Variants in EXT2 observed in about 807,000 individuals in gnomAD.
EXT2 encodes exostosin glycosyltransferase 2, also known as exostosin-2.
A neutral mutation model predicts 81.6 loss-of-function variants in EXT2; 53 were observed. The ratio of observed to expected loss-of-function variants is 0.65; its 90% CI spans 0.52 to 0.82. The LOEUF (loss-of-function observed/expected upper bound fraction) is 0.82, where lower values mean the gene tolerates loss of function less well. Ranked by LOEUF, EXT2 falls within the 40% of genes least tolerant of loss-of-function variation. The pLI is 0.00. For synonymous variants in EXT2, 320 were observed against 340.0 expected (o/e 0.94, Z 0.65); for missense variants, 774 against 910.2 (o/e 0.85, Z 1.93).
At chr11:44,158,580 A>G (rs1954887479) in intron 7 of EXT2, among the ~76,000 whole-genome samples, 1 of 150,708 alleles carries the variant, frequency 6.6e-6, no homozygotes, top group East Asian at 1.9e-4. Flanking sequence ...TAATTTTAAT[A>G]AATTGATTTT....
At chr11:44,226,716 C>T (rs369716546) in intron 10 of EXT2, among the ~76,000 whole-genome samples, 8 of 152,350 alleles carry the variant, frequency 5.3e-5, no homozygotes, top group East Asian at 3.9e-4. Flanking sequence ...GCATGCAAGA[C>T]GAAGCCTGAA....
At chr11:44,206,350 C>T (rs1027177375) in intron 9 of EXT2, among the ~76,000 whole-genome samples, 25 of 152,118 alleles carry the variant, frequency 1.6e-4, no homozygotes, top group African/African-American at 6.0e-4. Context: ...AGAGTATTTA[C>T]CAGAGGTGGG....
At chr11:44,115,061 C>G (rs996144352) in intron 4 of EXT2, among the ~76,000 whole-genome samples, 3 of 152,168 alleles carry the variant, frequency 2.0e-5, no homozygotes, top group Non-Finnish European at 1.5e-5. Flanking sequence ...TCTGCCCTGG[C>G]TCCTCTGCTT....
At chr11:44,103,471 G>C (rs971822459) in intron 1 of EXT2, among the ~76,000 whole-genome samples, 19 of 152,224 alleles carry the variant, frequency 1.2e-4, no homozygotes, top group African/African-American at 4.6e-4. Flanking sequence ...GGCCTGGGAT[G>C]CCTGAAGCAT....
chr11:44,222,779 A>G (rs571582739), intron 10 of EXT2, among the ~76,000 whole-genome samples: 1 of 150,556 alleles, frequency 6.6e-6, no homozygotes, highest in African/African-American at 2.4e-5. Context: ...AAATTGACCA[A>G]TGAGACCTCA....
chr11:44,123,365 G>C (rs1173045512), intron 4 of EXT2, among the ~76,000 whole-genome samples: 1 of 152,246 alleles, frequency 6.6e-6, no homozygotes, highest in Non-Finnish European at 1.5e-5. Flanking sequence ...GCCTGTGAGA[G>C]ATACGTAGCC....
intron 7 of EXT2, among the ~76,000 whole-genome samples, chr11:44,159,347 T>G (rs1416918400): frequency 2.9e-5 from 4 of 139,130 alleles, no homozygotes; most frequent in African/African-American, 1.1e-4. Context: ...TTCTTCAGTC[T>G]TTTTTTTTCT....
chr11:44,180,571 C>T (rs1306848743), intron 8 of EXT2, among the ~76,000 whole-genome samples: 2 of 152,166 alleles, frequency 1.3e-5, no homozygotes, highest in Middle Eastern at 3.2e-3. Context: ...TTTCTGGAGT[C>T]ATCTCTCCTG....
At chr11:44,225,733 C>T (rs978811053) in intron 10 of EXT2, among the ~76,000 whole-genome samples, 21 of 152,148 alleles carry the variant, frequency 1.4e-4, no homozygotes, top group African/African-American at 4.6e-4. Flanking sequence ...ACTGGGAGTT[C>T]GGGCCAATTT....
At chr11:44,123,911 C>A (rs970056039) in intron 4 of EXT2, among the ~76,000 whole-genome samples, 4 of 148,920 alleles carry the variant, frequency 2.7e-5, no homozygotes, top group Non-Finnish European at 5.9e-5. Context: ...TGGCACTAGA[C>A]CCTTGGAGAT....
At chr11:44,200,989 A>G (rs531008431) in intron 9 of EXT2, among the ~76,000 whole-genome samples, 11 of 152,308 alleles carry the variant, frequency 7.2e-5, no homozygotes, top group African/African-American at 2.6e-4. Flanking sequence ...TAAAGCTCAT[A>G]CTGTGAAGTT....
intron 7 of EXT2, among the ~76,000 whole-genome samples, chr11:44,131,135 G>A (rs1042897123): frequency 6.6e-6 from 1 of 152,220 alleles, no homozygotes. Flanking sequence ...GCTGATTTAG[G>A]AGGCAGCTCT....
chr11:44,194,700 C>T (rs996823372), intron 8 of EXT2, among the ~76,000 whole-genome samples: 1 of 152,134 alleles, frequency 6.6e-6, no homozygotes, highest in African/African-American at 2.4e-5. Context: ...TGAGGTAATA[C>T]ATGTAAAGCA....
intron 8 of EXT2, among the ~76,000 whole-genome samples, chr11:44,188,109 T>C (rs1015653368): frequency 2.8e-4 from 43 of 152,204 alleles, no homozygotes; most frequent in African/African-American, 1.0e-3. Context: ...AATGAAGTAT[T>C]ATAAAGCAAT....
chr11:44,100,598 G>A (rs1953967749), intron 1 of EXT2, among the ~76,000 whole-genome samples: 1 of 152,202 alleles, frequency 6.6e-6, no homozygotes, highest in African/African-American at 2.4e-5. Flanking sequence ...GCCATGCCCA[G>A]ATCAGCCAGA....
At chr11:44,112,274 C>T (rs774897987) in intron 3 of EXT2, among the ~76,000 whole-genome samples, 6 of 152,162 alleles carry the variant, frequency 3.9e-5, no homozygotes, top group Non-Finnish European at 7.3e-5. Context: ...TCAGAGGAGA[C>T]GTCCCAGAAT....
At chr11:44,207,091 A>G in intron 10 of EXT2, 132 bp downstream of exon 10, 1 of 1,016,626 alleles carries the variant, frequency 9.8e-7, no homozygotes, top group Non-Finnish European at 1.5e-6. Flanking sequence ...AGAGTCCAAA[A>G]GGTGTGCGTA....
chr11:44,209,587 T>C (rs1955623747), intron 10 of EXT2, among the ~76,000 whole-genome samples: 1 of 152,310 alleles, frequency 6.6e-6, no homozygotes, highest in South Asian at 2.1e-4. Flanking sequence ...GGAGCAGGCT[T>C]GATTGATTAA....
rs543414389 is a variant in EXT2 at position 44,123,814 on chromosome 11, T to G, written c.744-975T>G. Among the ~76,000 whole-genome samples the G allele has an allele frequency of 3.9e-5, 6 of 152,202 alleles. No homozygotes were observed. The East Asian group carries it at 1.2e-3, about 30-fold the overall frequency. ...GTCTTGTCTTCCAGGAGGGAATTAC[T>G]TCCCATCTGGTCTCTCCAAAATCTT... On this transcript the variant is annotated intron_variant, in intron 4 of 13. Coordinates refer to ENST00000533608, the MANE Select transcript of EXT2 (RefSeq NM_207122.2).
Sources: allele counts gnomAD v4.1 joint callset (sites outside exome capture counted in the v4.1 genomes callset), GRCh38; gene constraint gnomAD v4.1.1; transcripts MANE v1.5; gene names NCBI Gene and HGNC (gene_info 2026-07-23, HGNC 2026-07-21).